LSG1: variants seen among roughly 807,000 people sequenced by gnomAD.
LSG1 encodes the protein large 60S subunit nuclear export GTPase 1.
LSG1 carries 55 observed loss-of-function variants against 82.6 expected under a neutral mutation model. That is an observed-to-expected ratio of 0.67 (90% CI 0.54 to 0.83). The LOEUF (loss-of-function observed/expected upper bound fraction) is 0.83, where lower values mean the gene tolerates loss of function less well. Among genes scored for constraint, LSG1 ranks in the 40% least tolerant of loss-of-function variants. LSG1 has a pLI of 0.00. For synonymous variants in LSG1, 272 were observed against 282.5 expected, an observed-to-expected ratio of 0.96 and a Z score of 0.37; for missense variants, 809 against 807.9, an observed-to-expected ratio of 1.00 and a Z score of -0.02.
chr3:194,646,428 T>C (rs1427435591), intron 11 of LSG1, 185 bp from the exon 12 acceptor site: 2 of 486,344 alleles, frequency 4.1e-6, no homozygotes, highest in Non-Finnish European at 7.3e-6. Flanking sequence ...TATTTACTTA[T>C]ATCTGATATC....
At chr3:194,670,243 G>A (rs1719117564) in intron 1 of LSG1, 108 bp from the exon 2 acceptor site, 3 of 1,164,838 alleles carry the variant, frequency 2.6e-6, no homozygotes, top group Non-Finnish European at 3.7e-6. Flanking sequence ...GGTGGTTGTA[G>A]TCCCTTTAGA....
chr3:194,660,927 T>C, intron 5 of LSG1: 1 of 456,240 alleles, frequency 2.2e-6, no homozygotes, highest in South Asian at 1.6e-5. Context: ...GGGAGGCTCC[T>C]CCCTTCCTTC....
At chr3:194,657,475 T>G (rs1718817486) in intron 7 of LSG1, among the ~76,000 whole-genome samples, 1 of 150,074 alleles carries the variant, frequency 6.7e-6, no homozygotes, top group Non-Finnish European at 1.5e-5. Context: ...TTTTTTTTTT[T>G]TTGATATTTG....
At chr3:194,665,520 C>T in intron 5 of LSG1, 37 bp downstream of exon 5, 7 of 1,483,034 alleles carry the variant, frequency 4.7e-6, no homozygotes, top group Non-Finnish European at 6.6e-6. Flanking sequence ...AACTTCACTA[C>T]AATGTCTTTA....
In LSG1 at chr3:194,665,611, G is replaced by A. The variant is rs757649570; in HGVS notation, c.467C>T (p.Pro156Leu). The change falls in exon 5 of 14, where the codon CCA becomes CTA. Residue 156 changes from proline (P) to leucine (L), a missense_variant. Coordinates refer to ENST00000265245, the MANE Select transcript of LSG1 (RefSeq NM_018385.3). The stretch of plus-strand genomic sequence containing the variant: ...CCAAAAGTCCAAATTTCGTTCAAAT[G>A]GAGTCAATATCAGCTTCTGTTCCTC... ...LEEEQKLILT[P>L]FERNLDFWRQ... 1 of 1,613,054 alleles carries A rather than the reference G, an allele frequency of 6.2e-7. No homozygotes were observed. The highest frequency in any genetic ancestry group is 2.2e-5 in the East Asian group (1 of 44,860).
intron 13 of LSG1, 73 bp downstream of exon 13, chr3:194,644,500 G>A (rs1158990922): frequency 2.7e-6 from 3 of 1,127,988 alleles, no homozygotes; most frequent in Non-Finnish European, 3.8e-6. Context: ...TGTGTTTATG[G>A]CATGTGATAC....
At chr3:194,646,106 A>G in intron 12 of LSG1, 58 bp downstream of exon 12, 1 of 1,517,650 alleles carries the variant, frequency 6.6e-7, no homozygotes, top group Non-Finnish European at 9.1e-7. Context: ...TTATCTAAGA[A>G]CGCAGAATGT....
At chr3:194,645,591 C>CACACACACACAGACAGACAG (rs1560219910) in intron 12 of LSG1, among the ~76,000 whole-genome samples, 17 of 105,914 alleles carry the variant, frequency 1.6e-4, no homozygotes, top group African/African-American at 6.6e-4. Context: ...CACACACACA[C>CACACACACACAGACAGACAG]ACACACACAC....
In LSG1 at chr3:194,645,681, T is replaced by C. The variant is rs567633771; in HGVS notation, c.1623+483A>G. ...AGATAGGCCCTGTTCATCTCCATTTTACTATGGGGAAACCCCCAAATAGCA... is the reference window on the plus strand; with the variant it reads ...AGATAGGCCCTGTTCATCTCCATTTCACTATGGGGAAACCCCCAAATAGCA... On this transcript the variant is annotated intron_variant, in intron 12 of 13. Coordinates refer to ENST00000265245, the MANE Select transcript of LSG1 (RefSeq NM_018385.3). 8.7e-4 allele frequency among the ~76,000 whole-genome samples: 132 copies of C among 152,084 alleles called. 2 individuals carry two copies. Among genetic ancestry groups the C allele is most frequent in the Non-Finnish European group, 6.3e-4 (43 of 68,024 alleles).
chr3:194,642,828 C>A (rs1718427360), intron 13 of LSG1, among the ~76,000 whole-genome samples: 1 of 152,196 alleles, frequency 6.6e-6, no homozygotes, highest in Admixed American at 6.5e-5. Context: ...GGTAAATTTT[C>A]TTCCAAATAC....
chr3:194,665,704 G>A (rs1402631794), intron 4 of LSG1, 61 bp from the exon 5 acceptor site: 1 of 919,674 alleles, frequency 1.1e-6, no homozygotes, highest in Admixed American at 2.2e-5. Context: ...TTTTAGCAGT[G>A]TAAATGCTCA....
intron 2 of LSG1, among the ~76,000 whole-genome samples, chr3:194,668,057 C>T (rs1719069510): frequency 6.7e-6 from 1 of 149,732 alleles, no homozygotes; most frequent in African/African-American, 2.5e-5. Flanking sequence ...CAGAGTTGTG[C>T]AGCCATTGCC....
intron 12 of LSG1, among the ~76,000 whole-genome samples, chr3:194,645,575 GACACACACACACACACAC>G (rs57272537): frequency 5.5e-4 from 11 of 20,110 alleles, no homozygotes; most frequent in Non-Finnish European, 1.0e-3. Context: ...CACACAGACA[GACACACACACACACACAC>G]ACACACACAC....
In LSG1 at chr3:194,642,091, G is replaced by C. The variant is rs781552618; in HGVS notation, c.1954C>G (p.Leu652Val). 6.2e-7 allele frequency: 1 copy of C among 1,612,824 alleles called. No homozygotes were observed. Among genetic ancestry groups the C allele is most frequent in the Middle Eastern group, 2.0e-4 (1 of 4,972 alleles). Residue 652 changes from leucine (L) to valine (V), a missense_variant, in exon 14 of 14, where the codon CTC (leucine) becomes GTC (valine). By Grantham distance (32) the Leu-to-Val change is conservative. Coordinates refer to ENST00000265245, the MANE Select transcript of LSG1 (RefSeq NM_018385.3). Reference protein sequence around the residue: ...NRNKKEKSRRLYKHLDM With the variant: ...NRNKKEKSRRVYKHLDM ...CCTCACATATCCAGGTGCTTGTAGA[G>C]TCTACGACTTTTTTCTTTTTTATTT...
intron 10 of LSG1, chr3:194,650,617 G>A (rs1004219117): frequency 2.4e-5 from 8 of 328,058 alleles, no homozygotes; most frequent in East Asian, 6.2e-5. Flanking sequence ...TCATTCAAAC[G>A]GTTACATGGC....
At chr3:194,645,880 A>G in intron 12 of LSG1, among the ~76,000 whole-genome samples, 1 of 152,206 alleles carries the variant, frequency 6.6e-6, no homozygotes, top group Admixed American at 6.5e-5. Flanking sequence ...TACTACAAAG[A>G]AGACTGTGAC....
At chr3:194,654,393 T>C (rs1299962452) in intron 7 of LSG1, among the ~76,000 whole-genome samples, 1 of 152,214 alleles carries the variant, frequency 6.6e-6, no homozygotes, top group Admixed American at 6.5e-5. Context: ...CATTTCCAAG[T>C]AGCTTTGTTA....
chr3:194,654,181 C>G (rs1023589062), intron 7 of LSG1, among the ~76,000 whole-genome samples: 13 of 152,210 alleles, frequency 8.5e-5, no homozygotes, highest in African/African-American at 3.1e-4. Context: ...GGAGCACACA[C>G]AGATCCCTGT....
At chr3:194,669,213 A>C (rs982174349) in intron 2 of LSG1, among the ~76,000 whole-genome samples, 2 of 152,230 alleles carry the variant, frequency 1.3e-5, no homozygotes, top group Admixed American at 1.3e-4. Context: ...CGCACACACA[A>C]AAAAACAATG....
Sources: allele counts gnomAD v4.1 joint callset (sites outside exome capture counted in the v4.1 genomes callset), GRCh38; gene constraint gnomAD v4.1.1; transcripts MANE v1.5; gene names NCBI Gene and HGNC (gene_info 2026-07-23, HGNC 2026-07-21).